The following SMIM7 variants were observed in gnomAD, a reference collection of about 807,000 sequenced individuals.
The protein encoded by SMIM7 is small integral membrane protein 7, also known as UPF0608 protein C19orf42.
In SMIM7, 12 loss-of-function variants were observed where a neutral mutation model predicts 13.3. The ratio of observed to expected loss-of-function variants is 0.90; its 90% CI spans 0.58 to 1.46. SMIM7 has a LOEUF of 1.46. Ranked by LOEUF, SMIM7 falls within the 40% of genes most tolerant of loss-of-function variation. The probability of loss-of-function intolerance (pLI) is 0.00; values close to 1 mark genes in which losing one functional copy is unlikely to be tolerated. For missense variants in SMIM7, 114 were observed against 94.8 expected (o/e 1.20, Z -0.84); for synonymous variants, 36 against 35.8 (o/e 1.01, Z -0.02).
At chr19:16,639,324 G>A (rs547749159) in intron 4 of SMIM7, among the ~76,000 whole-genome samples, 18 of 151,936 alleles carry the variant, frequency 1.2e-4, no homozygotes, top group African/African-American at 2.7e-4. Context: ...GGGTTTCACC[G>A]TGTTAGCCAG....
chr19:16,659,877 A>G, intron 2 of SMIM7, 82 bp downstream of exon 2: 2 of 1,525,330 alleles, frequency 1.3e-6, no homozygotes, highest in African/African-American at 1.4e-5. Flanking sequence ...GCGGGGCCTG[A>G]GAAGTGCGCC....
rs148381106 is a variant in SMIM7, at chr19:16,659,236, T to C, written c.121+159A>G. 8.3e-4 allele frequency: 585 copies of C among 701,500 alleles called. 1 individual carries two copies. Among genetic ancestry groups the C allele is most frequent in the Non-Finnish European group, 1.2e-3 (501 of 411,072 alleles). 43.5% of individuals were successfully genotyped at this position (701,500 alleles called of 1,614,324 possible). ...AGGTCGAGTCTGCAGTGAGCCATGA[T>C]CGCACCACTGCACTCCAACCTGGAC... On this transcript the variant is annotated intron_variant, in intron 3 of 4. Coordinates refer to ENST00000487416, the MANE Select transcript of SMIM7 (RefSeq NM_024104.4).
At chr19:16,637,655 C>T (rs1428408940) in intron 4 of SMIM7, among the ~76,000 whole-genome samples, 2 of 152,228 alleles carry the variant, frequency 1.3e-5, no homozygotes, top group Non-Finnish European at 1.5e-5. Context: ...CACACAAATG[C>T]CTTCCTCTGC....
At chr19:16,636,858 T>C (rs1403113088) in intron 4 of SMIM7, among the ~76,000 whole-genome samples, 1 of 152,138 alleles carries the variant, frequency 6.6e-6, no homozygotes, top group African/African-American at 2.4e-5. Context: ...GAGGCTGATG[T>C]GGGAGGACAG....
At chr19:16,633,688 A>T (rs1278220091) in intron 4 of SMIM7, 3 of 152,062 alleles carry the variant, frequency 2.0e-5, no homozygotes, top group Non-Finnish European at 4.4e-5. Flanking sequence ...GTGCCACTAC[A>T]CTCTGGCCTG....
downstream of SMIM7, among the ~76,000 whole-genome samples, chr19:16,643,141 T>C (rs1008031770): frequency 6.6e-6 from 1 of 152,106 alleles, no homozygotes; most frequent in Admixed American, 6.6e-5. Context: ...AAAAAAGTTA[T>C]TTTAGAAAAC....
intron 3 of SMIM7, chr19:16,655,219 T>C (rs2086581043): frequency 1.7e-5 from 7 of 409,856 alleles, no homozygotes; most frequent in South Asian, 1.0e-4. Context: ...AGGGAAGGTG[T>C]TTCTTGGTGA....
rs377578734 is a variant in SMIM7, at chr19:16,647,311, T to A, written c.213-50A>T. 5 of 1,608,202 alleles carry A rather than the reference T, an allele frequency of 3.1e-6. No homozygotes were observed. In the African/African-American group the frequency reaches 6.7e-5, roughly 22 times the overall value. ...GTCTGTGAGGATAGGAGGTGACTGT[T>A]CTAAAAATATTGTCAGCGATTATTT... On this transcript the variant is annotated intron_variant, in intron 4 of 4. Coordinates refer to ENST00000487416, the MANE Select transcript of SMIM7 (RefSeq NM_024104.4).
intron 3 of SMIM7, among the ~76,000 whole-genome samples, chr19:16,655,680 CAAAAA>C (rs869256040): frequency 7.8e-5 from 3 of 38,514 alleles, no homozygotes; most frequent in East Asian, 9.0e-4. Context: ...GACTCCATCT[CAAAAA>C]AAAAAAAAAA....
chr19:16,634,277 G>A (rs2122485585), intron 4 of SMIM7: 1 of 152,258 alleles, frequency 6.6e-6, no homozygotes. Flanking sequence ...TCACATGAGG[G>A]CTCCATGAAG....
In SMIM7 at chr19:16,646,836, C is replaced by T. The variant is rs1032280722; in HGVS notation, c.*410G>A. 1 of 240,104 alleles carries T rather than the reference C, an allele frequency of 4.2e-6. No homozygotes were observed. The highest frequency in any genetic ancestry group is 8.4e-6 in the Non-Finnish European group (1 of 119,308). The allele number at this position is 240,104 out of a possible 1,614,324, so 14.9% of individuals were successfully genotyped here. On this transcript the variant is annotated 3_prime_UTR_variant, in exon 5 of 5. Coordinates refer to ENST00000487416, the MANE Select transcript of SMIM7 (RefSeq NM_024104.4). ...GTGAAAGCAGTTTGTTAACAGGGCC[C>T]CTGGCCGGGCCCAGAGGCTGTCAGA...
At chr19:16,649,038 T>G (rs1009786307) in intron 4 of SMIM7, among the ~76,000 whole-genome samples, 2 of 151,954 alleles carry the variant, frequency 1.3e-5, no homozygotes, top group African/African-American at 4.8e-5. Flanking sequence ...AACAAAAAAC[T>G]TTCATACCTA....
At chr19:16,650,459 C>T (rs1415390865) in intron 4 of SMIM7, among the ~76,000 whole-genome samples, 1 of 152,200 alleles carries the variant, frequency 6.6e-6, no homozygotes, top group Non-Finnish European at 1.5e-5. Context: ...CCTATAATCC[C>T]AGCACTTTGG....
chr19:16,658,940 A>G (rs561558418), intron 3 of SMIM7, among the ~76,000 whole-genome samples: 1 of 152,096 alleles, frequency 6.6e-6, no homozygotes, highest in Non-Finnish European at 1.5e-5. Flanking sequence ...AATAGATGAC[A>G]GAGGTAGGCA....
At chr19:16,653,739 C>CA (rs1252911524) in intron 4 of SMIM7, 6 of 371,366 alleles carry the variant, frequency 1.6e-5, no homozygotes, top group African/African-American at 8.9e-5. Flanking sequence ...ACTAAAAATA[C>CA]AAAAAATCAG....
At chr19:16,639,166 G>A (rs954641666) in intron 4 of SMIM7, among the ~76,000 whole-genome samples, 6 of 145,142 alleles carry the variant, frequency 4.1e-5, no homozygotes, top group Admixed American at 2.8e-4. Context: ...CTGTCGCCCA[G>A]GCTGGAGTGC....
At chr19:16,648,769 G>A (rs943033544) in intron 4 of SMIM7, among the ~76,000 whole-genome samples, 3 of 152,232 alleles carry the variant, frequency 2.0e-5, no homozygotes, top group African/African-American at 7.2e-5. Context: ...CACTTTAGGA[G>A]GCTGAGGTGG....
At chr19:16,638,301 C>CTTTTTTTTTT (rs375558591) in intron 4 of SMIM7, among the ~76,000 whole-genome samples, 2 of 122,780 alleles carry the variant, frequency 1.6e-5, no homozygotes, top group Non-Finnish European at 1.7e-5. Flanking sequence ...TTTCTTTTTT[C>CTTTTTTTTTT]TTTTTTTTTT....
intron 4 of SMIM7, among the ~76,000 whole-genome samples, chr19:16,635,440 C>G (rs1337635725): frequency 6.6e-6 from 1 of 151,590 alleles, no homozygotes; most frequent in African/African-American, 2.4e-5. Flanking sequence ...AGCCATTTCC[C>G]CAAAGAGCAG....
Sources: gnomAD v4.1 joint callset for allele counts (sites outside exome capture counted in the v4.1 genomes callset) on GRCh38, gnomAD v4.1.1 for gene constraint, MANE v1.5 for transcripts, NCBI Gene and HGNC (gene_info 2026-07-23, HGNC 2026-07-21) for gene names.